Variants in NLRP4 observed in about 807,000 individuals in gnomAD.
NLRP4 encodes the protein NACHT, LRR and PYD domains-containing protein 4.
NLRP4 carries 44 observed loss-of-function variants against 84.7 expected under a neutral mutation model. The ratio of observed to expected loss-of-function variants is 0.52; its 90% CI spans 0.41 to 0.67. The LOEUF (loss-of-function observed/expected upper bound fraction) is 0.67, where lower values mean the gene tolerates loss of function less well. NLRP4 is among the 30% of genes least tolerant of loss of function. The probability of loss-of-function intolerance (pLI) is 0.00; values close to 1 mark genes in which losing one functional copy is unlikely to be tolerated. For synonymous variants in NLRP4, 544 were observed against 476.4 expected, an observed-to-expected ratio of 1.14 and a Z score of -1.85; for missense variants, 1,260 against 1,219.4, an observed-to-expected ratio of 1.03 and a Z score of -0.50.
rs368289644 is a variant in NLRP4, at chr19:55,858,269, G to A, written c.876G>A (p.Thr292=). 1.1e-5 allele frequency: 18 copies of A among 1,614,070 alleles called. No individual in the cohort carries two copies. The highest frequency in any genetic ancestry group is 2.7e-5 in the African/African-American group (2 of 74,932). Residue 292 remains threonine (T), a synonymous_variant, in exon 3 of 10, where the codon ACG becomes ACA. Coordinates refer to ENST00000301295, the MANE Select transcript of NLRP4 (RefSeq NM_134444.5). The surrounding 1 kb of genome is among the most constrained non-coding windows in gnomAD (Gnocchi z 4.2). The part of the protein sequence containing the change: ...VCPKELRDQV[T]ISEIYQPRGF... The stretch of plus-strand genomic sequence containing the variant: ...CGAAGGAGCTCCGGGATCAGGTGAC[G>A]ATCTCAGAAATCTACCAGCCCCGGG...
At position 55,861,858 on chromosome 19, in the gene NLRP4, AG is replaced by A. The variant is rs577104734; in HGVS notation, c.2019-133del. The A allele has an allele frequency of 1.2e-4, 86 of 712,956 alleles. 1 individual carries two copies. In the Admixed American group the frequency reaches 1.9e-3, roughly 16 times the overall value. 44.2% of individuals were successfully genotyped at this position (712,956 alleles called of 1,614,324 possible). A position where few individuals can be genotyped will look rare whatever the true frequency, so the allele number is the denominator to read the frequency against. On this transcript the variant is annotated intron_variant, in intron 4 of 9. Coordinates refer to ENST00000301295, the MANE Select transcript of NLRP4 (RefSeq NM_134444.5). Reference sequence around the variant, plus strand: ...TGTGGGGGCAAAATCTCTCAAGTTGAGAACTACTGAGCTGTGTCATTGGGCT... The same window carrying A: ...TGTGGGGGCAAAATCTCTCAAGTTGAAACTACTGAGCTGTGTCATTGGGCT...
At chr19:55,859,942 A>C (rs199776920) in intron 3 of NLRP4, among the ~76,000 whole-genome samples, 1 of 138,758 alleles carries the variant, frequency 7.2e-6, no homozygotes, top group South Asian at 2.3e-4. Context: ...AAAAAAAAAA[A>C]AAAAAAAAAA....
Position 55,881,659 on chromosome 19 carries a change from T to A in NLRP4, c.*72T>A. On this transcript the variant is annotated 3_prime_UTR_variant, in exon 10 of 10. Coordinates refer to ENST00000301295, the MANE Select transcript of NLRP4 (RefSeq NM_134444.5). ...ACTGGGACCGTTACTTACATGACAC[T>A]GCACCCAGGAGATACAAATCATTGA... 1.4e-6 allele frequency: 1 copy of A among 714,186 alleles called. No homozygotes were observed. Among genetic ancestry groups the A allele is most frequent in the Non-Finnish European group, 2.5e-6 (1 of 402,566 alleles). The allele number at this position is 714,186 out of a possible 1,614,324, so 44.2% of individuals were successfully genotyped here. A position where few individuals can be genotyped will look rare whatever the true frequency, so the allele number is the denominator to read the frequency against.
In NLRP4 at chr19:55,877,057, A is replaced by G. The variant is rs1328529458; in HGVS notation, c.2587A>G (p.Asn863Asp). The G allele has an allele frequency of 6.2e-7, 1 of 1,614,106 alleles. No homozygotes were observed. Among genetic ancestry groups the G allele is most frequent in the South Asian group, 1.1e-5 (1 of 91,076 alleles). Reference protein sequence around the residue: ...CEDLASALISNQNLKILQIGC... With the variant: ...CEDLASALISDQNLKILQIGC... The stretch of plus-strand genomic sequence containing the variant: ...AGACCTCGCCTCTGCTCTCATCAGC[A>G]ATCAAAACCTGAAGATTCTGCAAAT... Residue 863 changes from asparagine to aspartate, a missense_variant, in exon 8 of 10, where the codon AAT becomes GAT. By Grantham distance (23) the Asn-to-Asp change is conservative. This residue lies in a region of NLRP4 where 544 missense variants were observed against 531.7 expected (regional missense o/e 1.02). Transcript: ENST00000301295.
At chr19:55,873,171 T>A (rs1333363859) in intron 7 of NLRP4, among the ~76,000 whole-genome samples, 2 of 152,136 alleles carry the variant, frequency 1.3e-5, no homozygotes, top group Non-Finnish European at 2.9e-5. Flanking sequence ...CAGAAGTAAA[T>A]CATTCCAGAT....
Position 55,857,976 on chromosome 19 carries a change from G to A in NLRP4, c.583G>A (p.Glu195Lys). 6.2e-7 allele frequency: 1 copy of A among 1,614,104 alleles called. No individual in the cohort carries two copies. Among genetic ancestry groups the A allele is most frequent in the Non-Finnish European group, 8.5e-7 (1 of 1,179,986 alleles). ...CTATTTCTGCTGCAGAGAACTGAGG[G>A]AGTTGCCGCCAACGAGTTTGGCTGA... ...TFYFCCRELR[E>K]LPPTSLADLI... The change falls in exon 3 of 10, where the codon GAG becomes AAG. Residue 195 changes from glutamate (E) to lysine (K), a missense_variant. Physicochemically the swap from Glu to Lys is moderately conservative, Grantham distance 56. Coordinates refer to ENST00000301295, the MANE Select transcript of NLRP4 (RefSeq NM_134444.5).
chr19:55,861,203 G>C (rs182104895), intron 3 of NLRP4, among the ~76,000 whole-genome samples, 183 bp from the exon 4 acceptor site: 1 of 152,154 alleles, frequency 6.6e-6, no homozygotes, highest in East Asian at 1.9e-4. Context: ...GGGGGGAAAC[G>C]TCACCCCAGG....
Position 55,859,203 on chromosome 19 carries a change from T to A in NLRP4, c.1810T>A (p.Phe604Ile). 5 of 1,607,618 alleles carry A rather than the reference T, an allele frequency of 3.1e-6. No homozygotes were observed. Among genetic ancestry groups the A allele is most frequent in the Non-Finnish European group, 3.4e-6 (4 of 1,174,470 alleles). The change falls in exon 3 of 10, where the codon TTT becomes ATT. Residue 604 changes from phenylalanine (F) to isoleucine (I), a missense_variant. Coordinates refer to ENST00000301295, the MANE Select transcript of NLRP4 (RefSeq NM_134444.5). Reference sequence around the variant, plus strand: ...CTGCTCCAGCTTGAGGAAACTCTGTTTTTCCGTTCAAAATGTCTTTAAGAA... The same window carrying A: ...CTGCTCCAGCTTGAGGAAACTCTGTATTTCCGTTCAAAATGTCTTTAAGAA... ...KYCSSLRKLC[F>I]SVQNVFKKED...
chr19:55,879,027 G>A, intron 9 of NLRP4, 63 bp downstream of exon 9: 1 of 1,281,848 alleles, frequency 7.8e-7, no homozygotes, highest in East Asian at 2.4e-5. Flanking sequence ...GATTGGCTGG[G>A]ACCTGCAGTG....
In NLRP4 at chr19:55,881,642, C is replaced by T. The variant is rs923801950; in HGVS notation, c.*55C>T. On this transcript the variant is annotated 3_prime_UTR_variant, in exon 10 of 10. Transcript: ENST00000301295. ...ACCTGCAAAGGACAGGGACTGGGAC[C>T]GTTACTTACATGACACTGCACCCAG... 3.3e-5 allele frequency: 28 copies of T among 837,230 alleles called. No individual in the cohort carries two copies. Among genetic ancestry groups the T allele is most frequent in the African/African-American group, 1.5e-4 (9 of 58,946 alleles). 51.9% of individuals were successfully genotyped at this position (837,230 alleles called of 1,614,324 possible).
At chr19:55,859,656 G>C (rs534618214) in intron 3 of NLRP4, among the ~76,000 whole-genome samples, 1 of 152,004 alleles carries the variant, frequency 6.6e-6, no homozygotes, top group Non-Finnish European at 1.5e-5. Context: ...GCCCGGGTGT[G>C]GTGGCTCATG....
chr19:55,866,500 AT>A (rs1242760389), intron 5 of NLRP4, among the ~76,000 whole-genome samples: 1 of 152,070 alleles, frequency 6.6e-6, no homozygotes, highest in Non-Finnish European at 1.5e-5. Context: ...CTCTGAGCTT[AT>A]TTTTTGTGGC....
intron 2 of NLRP4, among the ~76,000 whole-genome samples, 192 bp downstream of exon 2, chr19:55,852,552 C>T (rs1015182273): frequency 3.3e-5 from 5 of 151,066 alleles, no homozygotes; most frequent in Non-Finnish European, 1.5e-5. Context: ...TCTTGGCTCA[C>T]CGCAACCTCC....
rs1568658059 is a variant in NLRP4 at position 55,849,911 on chromosome 19, G to GTGGCAGCAGTGTAATGTCCA, written c.-65-2104_-65-2103insGGCAGCAGTGTAATGTCCAT. On this transcript the variant is annotated intron_variant, in intron 1 of 9. Coordinates refer to ENST00000301295, the MANE Select transcript of NLRP4 (RefSeq NM_134444.5). ...TTCCGTGGCCGGCGGTGTAATTTCC[G>GTGGCAGCAGTGTAATGTCCA]TAGCCGCGGTGTAATTTCCGTAGCC... Among the ~76,000 whole-genome samples the GTGGCAGCAGTGTAATGTCCA allele has an allele frequency of 6.6e-5, 9 of 135,570 alleles. No homozygotes were observed. In the East Asian group the frequency reaches 2.1e-3, roughly 31 times the overall value. The allele number at this position is 135,570 out of a possible 152,430, so 88.9% of individuals were successfully genotyped here.
intron 1 of NLRP4, among the ~76,000 whole-genome samples, chr19:55,845,077 C>A (rs950582511): frequency 6.6e-6 from 1 of 151,776 alleles, no homozygotes; most frequent in African/African-American, 2.4e-5. Flanking sequence ...GCACAACGTG[C>A]AGGTTTGTTA....
At chr19:55,840,884 A>T (rs545145689) in intron 1 of NLRP4, among the ~76,000 whole-genome samples, 1 of 152,198 alleles carries the variant, frequency 6.6e-6, no homozygotes, top group South Asian at 2.1e-4. Context: ...GAATAATTCA[A>T]TATCTTTTCC....
In NLRP4 at chr19:55,858,757, T is replaced by TC; in HGVS notation, c.1366dup (p.Gln456ProfsTer16). On this transcript the variant is annotated frameshift_variant, in exon 3 of 10. Transcript: ENST00000301295. LOFTEE classifies it high-confidence loss of function. This position sits in a 1 kb window ranked among gnomAD's most constrained non-coding sequence, Gnocchi z 4.2. ...TCCTACGTGTTCCTCCACGTGTGTATCCAGGAGTTCTGTGCCGCCTTGTTC... is the reference window on the plus strand; with the variant it reads ...TCCTACGTGTTCCTCCACGTGTGTATCCCAGGAGTTCTGTGCCGCCTTGTTC... 1.2e-6 allele frequency: 2 copies of TC among 1,614,194 alleles called. No individual in the cohort carries two copies. The highest frequency in any genetic ancestry group is 8.5e-7 in the Non-Finnish European group (1 of 1,180,038).
At position 55,857,880 on chromosome 19, in the gene NLRP4, A is replaced by G; in HGVS notation, c.487A>G (p.Thr163Ala). 1 of 1,614,184 alleles carries G rather than the reference A, an allele frequency of 6.2e-7. No homozygotes were observed. The highest frequency in any genetic ancestry group is 1.1e-5 in the South Asian group (1 of 91,086). Residue 163 changes from threonine (T) to alanine (A), a missense_variant, in exon 3 of 10, where the codon ACA (threonine) becomes GCA (alanine). Transcript: ENST00000301295. ...IQGPQGIGKTTLLMKLMMAWS... is the reference protein window; with the variant it reads ...IQGPQGIGKTALLMKLMMAWS... The stretch of plus-strand genomic sequence containing the variant: ...AGGACCACAAGGAATTGGAAAAACG[A>G]CACTCCTGATGAAGCTGATGATGGC...
chr19:55,856,317 C>T (rs1389169754), intron 2 of NLRP4, among the ~76,000 whole-genome samples: 1 of 151,982 alleles, frequency 6.6e-6, no homozygotes, highest in Non-Finnish European at 1.5e-5. Flanking sequence ...GGAGACAAGC[C>T]TTCTGTTACA....
Sources: allele counts gnomAD v4.1 joint callset (sites outside exome capture counted in the v4.1 genomes callset), GRCh38; gene constraint gnomAD v4.1.1; regional missense constraint gnomAD v4.1.1; non-coding constraint Gnocchi (gnomAD v3.1); transcripts MANE v1.5; gene names NCBI Gene and HGNC (gene_info 2026-07-23, HGNC 2026-07-21).